FNDC3B: variants seen among roughly 807,000 people sequenced by gnomAD.
FNDC3B encodes fibronectin type III domain containing 3B.
A neutral mutation model predicts 151.5 loss-of-function variants in FNDC3B; 12 were observed. The ratio of observed to expected loss-of-function variants is 0.08; its 90% CI spans 0.05 to 0.13. The LOEUF (loss-of-function observed/expected upper bound fraction) is 0.13. Ranked by LOEUF, FNDC3B falls within the 10% of genes least tolerant of loss-of-function variation. The pLI is 1.00. For missense variants in FNDC3B, 1,214 were observed against 1,505.3 expected, an observed-to-expected ratio of 0.81 and a Z score of 3.20; for synonymous variants, 528 against 549.0, an observed-to-expected ratio of 0.96 and a Z score of 0.54.
chr3:172,220,115 G>A (rs1434058738), intron 3 of FNDC3B, among the ~76,000 whole-genome samples: 1 of 152,154 alleles, frequency 6.6e-6, no homozygotes, highest in African/African-American at 2.4e-5. Context: ...CTTCCTACCA[G>A]CAGTGTACAA....
intron 10 of FNDC3B, among the ~76,000 whole-genome samples, chr3:172,307,838 TG>T (rs1291300447): frequency 6.6e-6 from 1 of 151,934 alleles, no homozygotes; most frequent in Non-Finnish European, 1.5e-5. Context: ...GGCAAAGGGG[TG>T]GGAGGAGGGA....
intron 7 of FNDC3B, among the ~76,000 whole-genome samples, chr3:172,289,784 A>G (rs1032867511): frequency 2.6e-5 from 4 of 152,170 alleles, no homozygotes; most frequent in Non-Finnish European, 4.4e-5. Flanking sequence ...GGCAGCAGCC[A>G]CTAGAGGGAA....
chr3:172,229,566 C>T (rs753556167), intron 4 of FNDC3B, among the ~76,000 whole-genome samples: 8 of 152,128 alleles, frequency 5.3e-5, no homozygotes, highest in Admixed American at 1.3e-4. Flanking sequence ...TCTGTTTTTT[C>T]AGCATCTGTG....
intron 1 of FNDC3B, among the ~76,000 whole-genome samples, chr3:172,109,445 C>T (rs1465518446): frequency 2.4e-5 from 2 of 83,552 alleles, no homozygotes; most frequent in Admixed American, 1.4e-4. Flanking sequence ...GGATTACAGG[C>T]GTGAGCCCCG....
chr3:172,250,823 C>G (rs1462003419), intron 5 of FNDC3B, among the ~76,000 whole-genome samples: 1 of 151,824 alleles, frequency 6.6e-6, no homozygotes, highest in East Asian at 1.9e-4. Flanking sequence ...TTTCTTTTTT[C>G]TTTTTCTTTT....
chr3:172,293,635 A>T (rs1313209393), intron 7 of FNDC3B, among the ~76,000 whole-genome samples: 1 of 152,240 alleles, frequency 6.6e-6, no homozygotes, highest in Non-Finnish European at 1.5e-5. Flanking sequence ...GTGACAATGC[A>T]TGAGATAATT....
chr3:172,108,751 C>T (rs1056712384), intron 1 of FNDC3B, among the ~76,000 whole-genome samples: 6 of 152,252 alleles, frequency 3.9e-5, no homozygotes, highest in African/African-American at 1.4e-4. Context: ...ACTACGTTTC[C>T]CTTTTCATGC....
At chr3:172,141,264 G>T (rs975883426) in intron 3 of FNDC3B, among the ~76,000 whole-genome samples, 3 of 152,208 alleles carry the variant, frequency 2.0e-5, no homozygotes, top group African/African-American at 7.2e-5. Context: ...GCTTTCATAG[G>T]GTTGCTGGTG....
At chr3:172,196,396 A>C (rs1004140540) in intron 3 of FNDC3B, among the ~76,000 whole-genome samples, 3 of 151,896 alleles carry the variant, frequency 2.0e-5, no homozygotes, top group African/African-American at 7.3e-5. Flanking sequence ...TCTGTTGCCT[A>C]GGCTGGTCTC....
Position 172,181,395 on chromosome 3 carries a change from C to CAAAAAA in FNDC3B, c.188-45462_188-45457dup, listed in dbSNP as rs755223783. ...GGGTGCCAGAGTGAGACTCTGTCTC[C>CAAAAAA]AAAAAAAAAAAAAAAAAAACAAAAA... On this transcript the variant is annotated intron_variant, in intron 3 of 25. Coordinates refer to ENST00000415807, the MANE Select transcript of FNDC3B (RefSeq NM_022763.4). Among the ~76,000 whole-genome samples the CAAAAAA allele has an allele frequency of 1.8e-3, 132 of 71,508 alleles. 2 individuals are homozygous for CAAAAAA. The highest frequency in any genetic ancestry group is 7.6e-3 in the African/African-American group (122 of 16,026). The allele number at this position is 71,508 out of a possible 152,430, so 46.9% of individuals were successfully genotyped here.
At chr3:172,145,081 G>A (rs901462168) in intron 3 of FNDC3B, among the ~76,000 whole-genome samples, 2 of 151,576 alleles carry the variant, frequency 1.3e-5, no homozygotes, top group South Asian at 2.1e-4. Flanking sequence ...AATTAAGGTC[G>A]AAGCATTCCA....
At chr3:172,224,029 A>G (rs986040029) in intron 3 of FNDC3B, among the ~76,000 whole-genome samples, 1 of 152,248 alleles carries the variant, frequency 6.6e-6, no homozygotes, top group African/African-American at 2.4e-5. Flanking sequence ...TCACGCAACC[A>G]GTGTGAATAG....
intron 1 of FNDC3B, among the ~76,000 whole-genome samples, chr3:172,067,677 T>G (rs1303453533): frequency 3.3e-5 from 5 of 150,756 alleles, no homozygotes; most frequent in African/African-American, 1.2e-4. Flanking sequence ...TGGAGCAAAA[T>G]GTCATCACAC....
intron 3 of FNDC3B, among the ~76,000 whole-genome samples, chr3:172,193,712 G>C (rs1299150839): frequency 6.6e-6 from 1 of 152,008 alleles, no homozygotes; most frequent in African/African-American, 2.4e-5. Context: ...ACTCCATGTT[G>C]GAAGGGACCT....
chr3:172,224,088 A>G (rs1726427993), intron 3 of FNDC3B, among the ~76,000 whole-genome samples: 1 of 152,252 alleles, frequency 6.6e-6, no homozygotes, highest in Non-Finnish European at 1.5e-5. Context: ...CATCTGCTCC[A>G]TTGAGCTGTG....
intron 3 of FNDC3B, among the ~76,000 whole-genome samples, chr3:172,174,942 C>CCCCCCA (rs1553769237): frequency 2.9e-4 from 19 of 66,488 alleles, no homozygotes; most frequent in East Asian, 2.1e-3. Context: ...CACCCCCCCC[C>CCCCCCA]CCCCAATACA....
At chr3:172,122,936 T>TA (rs1289768753) in intron 2 of FNDC3B, among the ~76,000 whole-genome samples, 4 of 152,170 alleles carry the variant, frequency 2.6e-5, no homozygotes, top group Admixed American at 1.3e-4. Flanking sequence ...TTCTGTTGTT[T>TA]AAAAAAATGC....
At chr3:172,109,016 G>A (rs1046399278) in intron 1 of FNDC3B, among the ~76,000 whole-genome samples, 1 of 152,206 alleles carries the variant, frequency 6.6e-6, no homozygotes, top group African/African-American at 2.4e-5. Flanking sequence ...CTCTCTGTGT[G>A]TGCATGGAGC....
At chr3:172,089,945 ATTT>A (rs1718729649) in intron 1 of FNDC3B, among the ~76,000 whole-genome samples, 1 of 152,196 alleles carries the variant, frequency 6.6e-6, no homozygotes, top group African/African-American at 2.4e-5. Flanking sequence ...TATATAATTC[ATTT>A]GTATCAGTGT....
Sources: gnomAD v4.1 joint callset for allele counts (sites outside exome capture counted in the v4.1 genomes callset) on GRCh38, gnomAD v4.1.1 for gene constraint, MANE v1.5 for transcripts, NCBI Gene and HGNC (gene_info 2026-07-23, HGNC 2026-07-21) for gene names.